Variants in NR3C2 observed in about 807,000 individuals in gnomAD.
NR3C2 encodes mineralocorticoid receptor.
Under a neutral mutation model 86.4 loss-of-function variants are expected in NR3C2, and 15 were observed. The observed-to-expected ratio is 0.17, with a 90% CI of 0.12 to 0.27. The LOEUF (loss-of-function observed/expected upper bound fraction) is 0.27, where lower values mean the gene tolerates loss of function less well. Among genes scored for constraint, NR3C2 ranks in the 10% least tolerant of loss-of-function variants. NR3C2 has a pLI of 1.00. For synonymous variants in NR3C2, 458 were observed against 450.5 expected, an observed-to-expected ratio of 1.02 and a Z score of -0.21; for missense variants, 960 against 1,195.6, an observed-to-expected ratio of 0.80 and a Z score of 2.91.
intron 2 of NR3C2, among the ~76,000 whole-genome samples, chr4:148,383,387 C>G (rs976114633): frequency 1.3e-5 from 2 of 152,144 alleles, no homozygotes; most frequent in Non-Finnish European, 2.9e-5. Flanking sequence ...CCCTAGAAAT[C>G]TGGTAGATTT....
intron 8 of NR3C2, among the ~76,000 whole-genome samples, chr4:148,082,550 C>G (rs545267902): frequency 2.6e-5 from 4 of 152,128 alleles, no homozygotes; most frequent in Non-Finnish European, 5.9e-5. Flanking sequence ...ACACTTTTCC[C>G]AGGGTCTTCA....
chr4:148,330,635 C>CT (rs1465548916), intron 2 of NR3C2, among the ~76,000 whole-genome samples: 2 of 152,234 alleles, frequency 1.3e-5, no homozygotes, highest in East Asian at 1.9e-4. Context: ...GTGAAATACT[C>CT]TAACACTGTT....
Position 148,327,270 on chromosome 4 carries a change from T to C in NR3C2, c.1758-67153A>G, listed in dbSNP as rs72656805. On this transcript the variant is annotated intron_variant, in intron 2 of 8. Coordinates refer to ENST00000358102, the MANE Select transcript of NR3C2 (RefSeq NM_000901.5). ...TCTGGAAAAAAAGAAACCTATATTA[T>C]GTTCTTATTGACAGAAAGAAATATT... Among the ~76,000 whole-genome samples, 753 of 152,356 alleles carry C rather than the reference T, an allele frequency of 4.9e-3. 1 individual carries two copies. The highest frequency in any genetic ancestry group is 8.2e-3 in the Non-Finnish European group (560 of 68,040).
intron 2 of NR3C2, among the ~76,000 whole-genome samples, chr4:148,285,643 G>T (rs1439941292): frequency 6.6e-6 from 1 of 152,126 alleles, no homozygotes; most frequent in Non-Finnish European, 1.5e-5. Flanking sequence ...GGAGGCAGAG[G>T]TTGCAGTGAG....
intron 2 of NR3C2, among the ~76,000 whole-genome samples, chr4:148,413,266 T>C (rs1429539255): frequency 3.9e-5 from 6 of 152,194 alleles, no homozygotes; most frequent in African/African-American, 1.4e-4. Context: ...AGGATTATTT[T>C]AGAGGATGGT....
rs149606611 is a variant in NR3C2 at position 148,146,989 on chromosome 4, A to G, written c.2510+5480T>C. Reference sequence around the variant, plus strand: ...CTTCAGTGGGAGTTTTAATATGTGTAGTGAATTGATAAGAAATTTGAATAC... The same window carrying G: ...CTTCAGTGGGAGTTTTAATATGTGTGGTGAATTGATAAGAAATTTGAATAC... On this transcript the variant is annotated intron_variant, in intron 6 of 8. Coordinates refer to ENST00000358102, the MANE Select transcript of NR3C2 (RefSeq NM_000901.5). 6.4e-4 allele frequency among the ~76,000 whole-genome samples: 98 copies of G among 152,364 alleles called. 1 individual carries two copies. The East Asian group carries it at 0.017, about 26-fold the overall frequency.
intron 2 of NR3C2, among the ~76,000 whole-genome samples, chr4:148,373,493 T>A (rs1030544469): frequency 1.3e-5 from 2 of 149,386 alleles, no homozygotes; most frequent in East Asian, 2.0e-4. Context: ...TTTTTTTTTT[T>A]AGATGGAGTC....
At chr4:148,402,497 G>T (rs1266435734) in intron 2 of NR3C2, among the ~76,000 whole-genome samples, 1 of 152,204 alleles carries the variant, frequency 6.6e-6, no homozygotes, top group Non-Finnish European at 1.5e-5. Flanking sequence ...CAAAGTATCT[G>T]GGAGTGAAAT....
intron 2 of NR3C2, among the ~76,000 whole-genome samples, chr4:148,377,606 T>G (rs1326847870): frequency 6.6e-6 from 1 of 152,070 alleles, no homozygotes; most frequent in Non-Finnish European, 1.5e-5. Flanking sequence ...GGTTTTGAGG[T>G]AGTGTCCTAT....
chr4:148,084,438 A>G (rs931129898), intron 8 of NR3C2, among the ~76,000 whole-genome samples: 8 of 152,252 alleles, frequency 5.3e-5, no homozygotes, highest in African/African-American at 7.2e-5. Context: ...TGAAGGAGAA[A>G]TAAAATTCTT....
At chr4:148,319,495 C>A (rs1022861107) in intron 2 of NR3C2, among the ~76,000 whole-genome samples, 1 of 150,644 alleles carries the variant, frequency 6.6e-6, no homozygotes, top group Non-Finnish European at 1.5e-5. Flanking sequence ...GATATTGATT[C>A]TTCCTACCCA....
At position 148,081,164 on chromosome 4, in the gene NR3C2, G is replaced by C; in HGVS notation, c.*180C>G. The C allele has an allele frequency of 1.2e-6, 1 of 811,050 alleles. No homozygotes were observed. The allele number at this position is 811,050 out of a possible 1,614,324, so 50.2% of individuals were successfully genotyped here. ...GAATCCTTCAGACTGCTCTGGTCTC[G>C]CCAAATCCACGGAAAAACAGCTTTC... On this transcript the variant is annotated 3_prime_UTR_variant, in exon 9 of 9. Coordinates refer to ENST00000358102, the MANE Select transcript of NR3C2 (RefSeq NM_000901.5).
At chr4:148,131,496 T>G (rs1733043746) in intron 6 of NR3C2, among the ~76,000 whole-genome samples, 1 of 152,212 alleles carries the variant, frequency 6.6e-6, no homozygotes, top group African/African-American at 2.4e-5. Context: ...TTATTCCAGT[T>G]TACTGTTAAT....
chr4:148,380,571 GA>G (rs1746922828), intron 2 of NR3C2, among the ~76,000 whole-genome samples: 3 of 152,156 alleles, frequency 2.0e-5, no homozygotes, highest in African/African-American at 7.2e-5. Flanking sequence ...AGCAATGCAT[GA>G]ACATTCTAAT....
intron 2 of NR3C2, among the ~76,000 whole-genome samples, chr4:148,377,486 G>A (rs1561072849): frequency 6.6e-6 from 1 of 152,272 alleles, no homozygotes; most frequent in East Asian, 1.9e-4. Flanking sequence ...AGTGGCAGAG[G>A]GGGCACAGCA....
intron 3 of NR3C2, among the ~76,000 whole-genome samples, chr4:148,244,196 C>T (rs1018079456): frequency 2.6e-5 from 4 of 152,122 alleles, no homozygotes; most frequent in Admixed American, 6.6e-5. Flanking sequence ...GTAAACAGTG[C>T]GCCCTTTATC....
At chr4:148,297,094 T>G (rs1418803894) in intron 2 of NR3C2, among the ~76,000 whole-genome samples, 1 of 152,196 alleles carries the variant, frequency 6.6e-6, no homozygotes, top group African/African-American at 2.4e-5. Flanking sequence ...CAGAATGATC[T>G]TTCCATGAAC....
In NR3C2 at chr4:148,346,602, T is replaced by C. The variant is rs148469807; in HGVS notation, c.1758-86485A>G. 5.6e-4 allele frequency among the ~76,000 whole-genome samples: 85 copies of C among 152,208 alleles called. 2 individuals are homozygous for C. In the East Asian group the frequency reaches 0.015, roughly 27 times the overall value. On this transcript the variant is annotated intron_variant, in intron 2 of 8. Coordinates refer to ENST00000358102, the MANE Select transcript of NR3C2 (RefSeq NM_000901.5). Reference sequence around the variant, plus strand: ...GTAGCCACTAGCCACATGTTGTCTATGGTGCACCTGGGATACAGCTAGGGC... The same window carrying C: ...GTAGCCACTAGCCACATGTTGTCTACGGTGCACCTGGGATACAGCTAGGGC...
intron 8 of NR3C2, among the ~76,000 whole-genome samples, chr4:148,113,155 T>C (rs1658752199): frequency 6.6e-6 from 1 of 152,222 alleles, no homozygotes; most frequent in African/African-American, 2.4e-5. Context: ...CGGCTATATC[T>C]ATAATTGATT....
Sources: allele counts gnomAD v4.1 joint callset (sites outside exome capture counted in the v4.1 genomes callset), GRCh38; gene constraint gnomAD v4.1.1; transcripts MANE v1.5; gene names NCBI Gene and HGNC (gene_info 2026-07-23, HGNC 2026-07-21).